The following NEK1 variants were observed in gnomAD, a reference collection of about 807,000 sequenced individuals.
NEK1 encodes serine/threonine-protein kinase Nek1.
In NEK1, 137 loss-of-function variants were observed where a neutral mutation model predicts 182.1. The ratio of observed to expected loss-of-function variants is 0.75; its 90% confidence interval spans 0.65 to 0.87. The LOEUF (loss-of-function observed/expected upper bound fraction) is 0.87. NEK1 is among the 40% of genes least tolerant of loss of function. NEK1 has a pLI of 0.00. For missense variants in NEK1, 1,391 were observed against 1,494.4 expected (o/e 0.93, Z 1.14); for synonymous variants, 513 against 492.2 (o/e 1.04, Z -0.56).
intron 19 of NEK1, among the ~76,000 whole-genome samples, chr4:169,535,573 A>G (rs1758347370): frequency 6.6e-6 from 1 of 151,956 alleles, no homozygotes; most frequent in African/African-American, 2.4e-5. Context: ...GCAAACAGAA[A>G]AACATTTTTT....
intron 27 of NEK1, among the ~76,000 whole-genome samples, chr4:169,443,766 CAGAA>C (rs2149443111): frequency 6.6e-6 from 1 of 152,108 alleles, no homozygotes; most frequent in South Asian, 2.1e-4. Flanking sequence ...ATTCTAAAAA[CAGAA>C]AGAAAAGAGC....
chr4:169,481,237 A>T (rs541219826), intron 23 of NEK1, among the ~76,000 whole-genome samples: 1 of 152,316 alleles, frequency 6.6e-6, no homozygotes, highest in South Asian at 2.1e-4. Context: ...GAATGGAGTC[A>T]ACTTCTTCCA....
At chr4:169,593,695 A>C (rs1386965310) in intron 5 of NEK1, among the ~76,000 whole-genome samples, 1 of 152,156 alleles carries the variant, frequency 6.6e-6, no homozygotes, top group Non-Finnish European at 1.5e-5. Context: ...AGCCCTTTAA[A>C]ATTGTAACCC....
chr4:169,492,055 C>G (rs1056934540), intron 23 of NEK1, among the ~76,000 whole-genome samples: 1 of 152,062 alleles, frequency 6.6e-6, no homozygotes, highest in Non-Finnish European at 1.5e-5. Flanking sequence ...CACAAAATCA[C>G]AAGAGTAGAC....
chr4:169,594,270 T>C (rs1342794204), intron 5 of NEK1, among the ~76,000 whole-genome samples: 1 of 152,196 alleles, frequency 6.6e-6, no homozygotes, highest in African/African-American at 2.4e-5. Flanking sequence ...AAAACTGAGA[T>C]TTCTATGTGT....
At chr4:169,600,727 A>G (rs1278420144) in intron 4 of NEK1, among the ~76,000 whole-genome samples, 2 of 152,212 alleles carry the variant, frequency 1.3e-5, no homozygotes, top group Non-Finnish European at 2.9e-5. Context: ...TTCACTATTT[A>G]TATGTATATA....
intron 23 of NEK1, among the ~76,000 whole-genome samples, chr4:169,500,004 T>G (rs1026645069): frequency 2.6e-5 from 4 of 152,072 alleles, no homozygotes; most frequent in Admixed American, 2.6e-4. Context: ...AGAGGTGGAG[T>G]CTACAGAGGC....
chr4:169,400,665 T>C lies in NEK1; in HGVS notation c.3584-14A>G, dbSNP rs765056834. ...CATCACTGTTATCTAAAAAACAAAA[T>C]TAAAATAGAGATTTGATTTAAAAAG... On this transcript the variant is annotated splice_polypyrimidine_tract_variant and intron_variant, in intron 33 of 35. Coordinates refer to ENST00000507142, the MANE Select transcript of NEK1 (RefSeq NM_001199397.3). The C allele has an allele frequency of 1.3e-6, 2 of 1,544,380 alleles. No individual in the cohort carries two copies. Among genetic ancestry groups the C allele is most frequent in the Non-Finnish European group, 1.8e-6 (2 of 1,142,280 alleles).
At chr4:169,500,062 C>A (rs1343304964) in intron 23 of NEK1, among the ~76,000 whole-genome samples, 1 of 151,812 alleles carries the variant, frequency 6.6e-6, no homozygotes, top group African/African-American at 2.4e-5. Context: ...TTTGAGCTTC[C>A]CGGCCACTTT....
intron 18 of NEK1, among the ~76,000 whole-genome samples, chr4:169,548,810 C>A (rs1760950106): frequency 6.6e-6 from 1 of 152,214 alleles, no homozygotes. Flanking sequence ...ATGGTGGACA[C>A]CCCTCCCCGC....
intron 29 of NEK1, among the ~76,000 whole-genome samples, chr4:169,426,682 G>C (rs1018942391): frequency 6.6e-6 from 1 of 152,174 alleles, no homozygotes; most frequent in African/African-American, 2.4e-5. Context: ...TAAGAGTGGA[G>C]AATATAAAAC....
intron 28 of NEK1, among the ~76,000 whole-genome samples, chr4:169,434,459 T>A (rs953643901): frequency 6.6e-6 from 1 of 152,120 alleles, no homozygotes; most frequent in Non-Finnish European, 1.5e-5. Context: ...GTGATCCACC[T>A]GCCTCAGCCT....
intron 10 of NEK1, among the ~76,000 whole-genome samples, chr4:169,582,505 G>C (rs1766822327): frequency 6.6e-6 from 1 of 152,188 alleles, no homozygotes; most frequent in Non-Finnish European, 1.5e-5. Context: ...AGGCAATTTA[G>C]AGCAACCATG....
Position 169,555,968 on chromosome 4 carries a change from C to G in NEK1, c.1394G>C (p.Trp465Ser), listed in dbSNP as rs1401141898. Residue 465 changes from tryptophan (W) to serine (S), a missense_variant, in exon 17 of 36, where the codon TGG (tryptophan) becomes TCG (serine). Trp to Ser is a radical substitution (Grantham distance 177). Around this residue, in one of 5 missense-constraint regions of NEK1, gnomAD observed 1,216 missense variants for 1,277.6 expected, o/e 0.95. Coordinates refer to ENST00000507142, the MANE Select transcript of NEK1 (RefSeq NM_001199397.3). ...QQRAEDNEAK[W>S]KREIYGRGLP... Reference sequence around the variant, plus strand: ...ACCTCGACCATATATTTCTCTTTTCCATTTAGCTTCATTATCTTCTGCTCT... The same window carrying G: ...ACCTCGACCATATATTTCTCTTTTCGATTTAGCTTCATTATCTTCTGCTCT... 1 of 1,613,598 alleles carries G rather than the reference C, an allele frequency of 6.2e-7. No homozygotes were observed. Among genetic ancestry groups the G allele is most frequent in the Non-Finnish European group, 8.5e-7 (1 of 1,179,758 alleles).
At chr4:169,588,056 G>C (rs1036699398) in intron 8 of NEK1, among the ~76,000 whole-genome samples, 1 of 152,052 alleles carries the variant, frequency 6.6e-6, no homozygotes. Flanking sequence ...AGAAAATAAA[G>C]GGTAGCTGGA....
At chr4:169,498,912 T>C (rs910559509) in intron 23 of NEK1, among the ~76,000 whole-genome samples, 12 of 152,224 alleles carry the variant, frequency 7.9e-5, no homozygotes, top group African/African-American at 2.7e-4. Flanking sequence ...GGAGTATCTT[T>C]GTGGCATTCT....
chr4:169,446,896 G>A (rs1740677799), intron 27 of NEK1, among the ~76,000 whole-genome samples: 4 of 152,048 alleles, frequency 2.6e-5, no homozygotes, highest in Admixed American at 2.0e-4. Context: ...TACATAGTCA[G>A]AGGAGACAAA....
At chr4:169,509,722 AT>A (rs949795981) in intron 19 of NEK1, among the ~76,000 whole-genome samples, 9 of 152,036 alleles carry the variant, frequency 5.9e-5, no homozygotes, top group African/African-American at 1.7e-4. Context: ...TTATATATGC[AT>A]TTTTTTCTGT....
intron 23 of NEK1, among the ~76,000 whole-genome samples, chr4:169,499,899 C>A (rs1254320263): frequency 6.6e-6 from 1 of 152,208 alleles, no homozygotes; most frequent in Non-Finnish European, 1.5e-5. Context: ...CAGCTGCGTG[C>A]TGGGACAACC....
Sources: allele counts gnomAD v4.1 joint callset (sites outside exome capture counted in the v4.1 genomes callset), GRCh38; gene constraint gnomAD v4.1.1; regional missense constraint gnomAD v4.1.1; transcripts MANE v1.5; gene names NCBI Gene and HGNC (gene_info 2026-07-23, HGNC 2026-07-21).